Variants in DENND5B observed in about 807,000 individuals in gnomAD.
DENND5B encodes DENN domain-containing protein 5B.
DENND5B carries 34 observed loss-of-function variants against 140.6 expected under a neutral mutation model. That is an observed-to-expected ratio of 0.24 (90% CI 0.18 to 0.32). The LOEUF (loss-of-function observed/expected upper bound fraction) is 0.32, where lower values mean the gene tolerates loss of function less well. DENND5B is among the 10% of genes least tolerant of loss of function. The pLI is 1.00. For synonymous variants in DENND5B, 551 were observed against 562.1 expected, an observed-to-expected ratio of 0.98 and a Z score of 0.28; for missense variants, 1,142 against 1,560.2, an observed-to-expected ratio of 0.73 and a Z score of 4.52.
chr12:31,455,628 T>C (rs545874002), intron 4 of DENND5B, among the ~76,000 whole-genome samples: 1 of 152,152 alleles, frequency 6.6e-6, no homozygotes, highest in African/African-American at 2.4e-5. Context: ...TGATAAAAAT[T>C]TACTCAACAC....
At position 31,455,112 on chromosome 12, in the gene DENND5B, G is replaced by A. The variant is rs376071333; in HGVS notation, c.1093-2636C>T. On this transcript the variant is annotated intron_variant, in intron 4 of 20. Transcript: ENST00000389082. ...TGGGATTACAGGCGTGAGCCACCGC[G>A]CCCGGCCAATTCAGTATCTTTAAAA... Among the ~76,000 whole-genome samples the A allele has an allele frequency of 4.6e-5, 7 of 152,130 alleles. No individual in the cohort carries two copies. In the East Asian group the frequency reaches 5.8e-4, roughly 13 times the overall value.
intron 16 of DENND5B, 144 bp from the exon 17 acceptor site, chr12:31,398,506 T>TACAA: frequency 1.4e-6 from 1 of 710,158 alleles, no homozygotes; most frequent in Non-Finnish European, 2.2e-6. Flanking sequence ...CTCATTACAT[T>TACAA]GCCCAGGCTG....
chr12:31,479,452 A>G, intron 3 of DENND5B, 137 bp downstream of exon 3: 5 of 786,908 alleles, frequency 6.4e-6, no homozygotes, highest in Non-Finnish European at 9.0e-6. Flanking sequence ...CGCTGGTCCC[A>G]CCATACCTGC....
In DENND5B at chr12:31,573,932, C is replaced by G. The variant is rs538557208; in HGVS notation, c.127+16774G>C. ...ATGGCCTGTTAATAGCCACTGTGCT[C>G]CATTCTGGGCAACAAAGGGAGACTC... On this transcript the variant is annotated intron_variant, in intron 1 of 20. Transcript: ENST00000389082. Among the ~76,000 whole-genome samples, 24 of 150,806 alleles carry G rather than the reference C, an allele frequency of 1.6e-4. No homozygotes were observed. The South Asian group carries it at 3.8e-3, about 24-fold the overall frequency.
intron 11 of DENND5B, among the ~76,000 whole-genome samples, chr12:31,417,765 C>T (rs1319671650): frequency 7.2e-5 from 11 of 152,120 alleles, no homozygotes; most frequent in Admixed American, 7.2e-4. Context: ...GAGTTTAGGC[C>T]TTTCATTTCT....
intron 17 of DENND5B, among the ~76,000 whole-genome samples, chr12:31,394,018 G>GT (rs1193991048): frequency 1.3e-5 from 2 of 152,058 alleles, no homozygotes; most frequent in African/African-American, 2.4e-5. Context: ...ATTCAAGTAG[G>GT]TTTTTTCTAC....
At chr12:31,445,221 C>T (rs183064447) in intron 6 of DENND5B, among the ~76,000 whole-genome samples, 14 of 152,286 alleles carry the variant, frequency 9.2e-5, no homozygotes, top group Admixed American at 8.5e-4. Context: ...TGGACTAGTA[C>T]ATTTTACATA....
At chr12:31,476,942 T>G (rs1945840047) in intron 3 of DENND5B, among the ~76,000 whole-genome samples, 1 of 152,160 alleles carries the variant, frequency 6.6e-6, no homozygotes. Flanking sequence ...AAAGTTCTTT[T>G]TTTCGGCCAG....
At chr12:31,534,176 T>C (rs1415212799) in intron 1 of DENND5B, among the ~76,000 whole-genome samples, 1 of 152,124 alleles carries the variant, frequency 6.6e-6, no homozygotes, top group Non-Finnish European at 1.5e-5. Context: ...TGTCGGTTTT[T>C]TGAGGCTGAG....
intron 1 of DENND5B, among the ~76,000 whole-genome samples, chr12:31,570,876 C>A (rs1949800558): frequency 6.6e-6 from 1 of 151,828 alleles, no homozygotes; most frequent in South Asian, 2.1e-4. Flanking sequence ...GCAGGAAACT[C>A]ATTTACAGAA....
chr12:31,508,185 A>C (rs1947274686), intron 1 of DENND5B, among the ~76,000 whole-genome samples: 1 of 152,156 alleles, frequency 6.6e-6, no homozygotes, highest in Admixed American at 6.5e-5. Context: ...GATTCAAACA[A>C]ACTTTCCTGC....
intron 14 of DENND5B, among the ~76,000 whole-genome samples, chr12:31,405,262 G>A (rs1357117431): frequency 5.3e-5 from 8 of 151,442 alleles, no homozygotes. Context: ...GTCACCCAGG[G>A]TAGAGTGCAG....
chr12:31,542,210 C>T (rs2139174359), intron 1 of DENND5B, among the ~76,000 whole-genome samples: 1 of 151,774 alleles, frequency 6.6e-6, no homozygotes, highest in Middle Eastern at 3.4e-3. Context: ...ATCACTTGAA[C>T]CTGGGAGGTG....
intron 14 of DENND5B, among the ~76,000 whole-genome samples, chr12:31,402,891 T>C (rs866066782): frequency 3.3e-5 from 5 of 152,150 alleles, no homozygotes; most frequent in African/African-American, 7.2e-5. Flanking sequence ...GTATGTATGA[T>C]GCATATATCA....
chr12:31,540,478 A>C (rs982555438), intron 1 of DENND5B, among the ~76,000 whole-genome samples: 2 of 152,160 alleles, frequency 1.3e-5, no homozygotes, highest in African/African-American at 4.8e-5. Context: ...ACATGGTAAG[A>C]CATCGTCTCT....
At chr12:31,564,429 T>G (rs927907798) in intron 1 of DENND5B, among the ~76,000 whole-genome samples, 39 of 152,050 alleles carry the variant, frequency 2.6e-4, no homozygotes, top group African/African-American at 8.9e-4. Context: ...TTCAGAAGAA[T>G]AATGAAAAAG....
chr12:31,478,699 T>TA (rs34417003), intron 3 of DENND5B, among the ~76,000 whole-genome samples: 121,536 of 149,506 alleles, frequency 0.81, 49,607 homozygotes, highest in African/African-American at 0.89. Context: ...AGAACTTGTC[T>TA]AAAAAAAAAA....
intron 1 of DENND5B, among the ~76,000 whole-genome samples, chr12:31,525,416 A>G (rs370713343): frequency 6.6e-6 from 1 of 152,246 alleles, no homozygotes; most frequent in Non-Finnish European, 1.5e-5. Context: ...ATGCAAAGTG[A>G]AAGATGTCAG....
intron 2 of DENND5B, among the ~76,000 whole-genome samples, chr12:31,493,511 T>A: frequency 6.6e-6 from 1 of 151,674 alleles, no homozygotes; most frequent in Non-Finnish European, 1.5e-5. Context: ...CTGGCCAACA[T>A]AGCAAAACCC....
Sources: allele counts gnomAD v4.1 joint callset (sites outside exome capture counted in the v4.1 genomes callset), GRCh38; gene constraint gnomAD v4.1.1; transcripts MANE v1.5; gene names NCBI Gene and HGNC (gene_info 2026-07-23, HGNC 2026-07-21).